Variants in CDH8 observed in about 807,000 individuals in gnomAD.
The protein encoded by CDH8 is cadherin 8, also known as cadherin-8.
Under a neutral mutation model 68.1 loss-of-function variants are expected in CDH8, and 17 were observed. The ratio of observed to expected loss-of-function variants is 0.25; its 90% CI spans 0.17 to 0.37. The LOEUF (loss-of-function observed/expected upper bound fraction) is 0.37, where lower values mean the gene tolerates loss of function less well. CDH8 is among the 10% of genes least tolerant of loss of function. The probability of loss-of-function intolerance (pLI) is 1.00; values close to 1 mark genes in which losing one functional copy is unlikely to be tolerated. For missense variants in CDH8, 763 were observed against 999.3 expected, an observed-to-expected ratio of 0.76 and a Z score of 3.19; for synonymous variants, 372 against 365.1, an observed-to-expected ratio of 1.02 and a Z score of -0.21.
chr16:62,029,898 A>G (rs1269975403), intron 1 of CDH8, among the ~76,000 whole-genome samples: 12 of 152,238 alleles, frequency 7.9e-5, no homozygotes, highest in Non-Finnish European at 1.5e-5. Flanking sequence ...GACAGAAATT[A>G]GATTTCTCTT....
chr16:61,665,544 C>T (rs906845683), intron 10 of CDH8, among the ~76,000 whole-genome samples: 3 of 151,790 alleles, frequency 2.0e-5, no homozygotes, highest in African/African-American at 2.4e-5. Flanking sequence ...AGGACAAATA[C>T]CTAATGCACA....
At chr16:61,871,815 C>CAAAAAAAAAAAAAAAAAAAAAAAAAAAAA (rs144379377) in intron 3 of CDH8, among the ~76,000 whole-genome samples, 1 of 43,344 alleles carries the variant, frequency 2.3e-5, no homozygotes, top group Non-Finnish European at 4.0e-5. Flanking sequence ...GTTCTATATG[C>CAAAAAAAAAAAAAAAAAAAAAAAAAAAAA]AAAAAAAAAA....
intron 8 of CDH8, among the ~76,000 whole-genome samples, chr16:61,730,950 A>C (rs1474522821): frequency 6.6e-6 from 1 of 151,602 alleles, no homozygotes; most frequent in Non-Finnish European, 1.5e-5. Context: ...AAACTGGTGA[A>C]AGTTTTTTTA....
At chr16:61,972,490 TAC>T (rs1367579831) in intron 2 of CDH8, among the ~76,000 whole-genome samples, 3 of 151,844 alleles carry the variant, frequency 2.0e-5, no homozygotes, top group Admixed American at 6.6e-5. Flanking sequence ...TGTTGAGATC[TAC>T]TGTGTAGCTA....
At chr16:62,019,311 G>A (rs1902016803) in intron 2 of CDH8, among the ~76,000 whole-genome samples, 1 of 152,172 alleles carries the variant, frequency 6.6e-6, no homozygotes, top group Non-Finnish European at 1.5e-5. Context: ...TATAGTGGGT[G>A]AAATAATGGC....
chr16:61,792,046 A>C (rs886095378), intron 7 of CDH8, among the ~76,000 whole-genome samples: 1 of 151,984 alleles, frequency 6.6e-6, no homozygotes, highest in African/African-American at 2.4e-5. Flanking sequence ...CCATTAAATG[A>C]TATATTAATA....
intron 10 of CDH8, among the ~76,000 whole-genome samples, chr16:61,705,113 C>T (rs534014162): frequency 2.0e-5 from 3 of 152,266 alleles, no homozygotes; most frequent in South Asian, 4.2e-4. Context: ...GATCCAAGCA[C>T]GGCAATTACT....
At chr16:61,908,515 C>G (rs1156627849) in intron 2 of CDH8, among the ~76,000 whole-genome samples, 1 of 152,224 alleles carries the variant, frequency 6.6e-6, no homozygotes, top group Non-Finnish European at 1.5e-5. Context: ...CTCATGTTAA[C>G]TTCCATTCAG....
intron 2 of CDH8, among the ~76,000 whole-genome samples, chr16:61,932,523 T>C (rs1964560973): frequency 3.9e-5 from 6 of 152,144 alleles, no homozygotes; most frequent in Admixed American, 2.0e-4. Flanking sequence ...CACTCCCGTA[T>C]AGTGACCCAG....
At chr16:61,778,041 C>G (rs1182748523) in intron 8 of CDH8, among the ~76,000 whole-genome samples, 1 of 152,012 alleles carries the variant, frequency 6.6e-6, no homozygotes, top group African/African-American at 2.4e-5. Context: ...GACTATATTC[C>G]CAGACAGGCT....
At chr16:61,876,594 C>G (rs183262160) in intron 3 of CDH8, among the ~76,000 whole-genome samples, 1 of 152,044 alleles carries the variant, frequency 6.6e-6, no homozygotes, top group Admixed American at 6.6e-5. Flanking sequence ...TCTGCTTGCA[C>G]GGGTTTGGCT....
chr16:62,016,020 C>T (rs983462173), intron 2 of CDH8, among the ~76,000 whole-genome samples: 11 of 152,170 alleles, frequency 7.2e-5, no homozygotes, highest in African/African-American at 2.4e-4. Context: ...CTCAGCTCTG[C>T]ATATAGCCTT....
intron 6 of CDH8, among the ~76,000 whole-genome samples, chr16:61,820,587 C>A (rs552108418): frequency 1.3e-5 from 2 of 151,954 alleles, no homozygotes; most frequent in African/African-American, 4.8e-5. Context: ...TTTTTCTCCC[C>A]CTTTGGTTGA....
rs1434686241 is a variant in CDH8 at position 61,959,982 on chromosome 16, G to GTATATATA, written c.253-58510_253-58509insTATATATA. Among the ~76,000 whole-genome samples, 20 of 31,060 alleles carry GTATATATA rather than the reference G, an allele frequency of 6.4e-4. 1 individual carries two copies. Among genetic ancestry groups the GTATATATA allele is most frequent in the South Asian group, 1.3e-3 (1 of 758 alleles). The allele number at this position is 31,060 out of a possible 152,430, so 20.4% of individuals were successfully genotyped here. A position where few individuals can be genotyped will look rare whatever the true frequency, so the allele number is the denominator to read the frequency against. ...CTGTATGTGGTGTATGTGTGTGTGT[G>GTATATATA]TGTATATATATATATATATATATAT... On this transcript the variant is annotated intron_variant, in intron 2 of 11. Coordinates refer to ENST00000577390, the MANE Select transcript of CDH8 (RefSeq NM_001796.5).
chr16:61,870,297 A>T (rs1963332295), intron 3 of CDH8, among the ~76,000 whole-genome samples: 1 of 152,202 alleles, frequency 6.6e-6, no homozygotes, highest in Non-Finnish European at 1.5e-5. Context: ...AGCACAATTA[A>T]TATCTTTACA....
chr16:61,856,886 T>TG (rs959733113), intron 4 of CDH8, among the ~76,000 whole-genome samples: 9 of 152,236 alleles, frequency 5.9e-5, no homozygotes, highest in African/African-American at 1.9e-4. Context: ...GGATGAAAAA[T>TG]GGTGTCAGAT....
chr16:61,898,460 G>A (rs1269313968), intron 3 of CDH8, among the ~76,000 whole-genome samples: 1 of 152,128 alleles, frequency 6.6e-6, no homozygotes, highest in Non-Finnish European at 1.5e-5. Flanking sequence ...ATCTACCAAA[G>A]TCATATTGTA....
chr16:61,661,009 G>C (rs541713124), intron 10 of CDH8, among the ~76,000 whole-genome samples: 2 of 151,796 alleles, frequency 1.3e-5, no homozygotes, highest in Admixed American at 6.6e-5. Flanking sequence ...GAGACAATAA[G>C]TATCTACTTA....
At chr16:61,854,699 C>T (rs980887448) in intron 4 of CDH8, among the ~76,000 whole-genome samples, 2 of 152,088 alleles carry the variant, frequency 1.3e-5, no homozygotes, top group South Asian at 4.1e-4. Context: ...TGTTCAAGGC[C>T]ATTGCCTCTT....
Sources: gnomAD v4.1 joint callset for allele counts (sites outside exome capture counted in the v4.1 genomes callset) on GRCh38, gnomAD v4.1.1 for gene constraint, MANE v1.5 for transcripts, NCBI Gene and HGNC (gene_info 2026-07-23, HGNC 2026-07-21) for gene names.